DIPK1C: variants seen among roughly 807,000 people sequenced by gnomAD.
DIPK1C encodes familial non-conventional Alzheimer's dementia.
Under a neutral mutation model 28.0 loss-of-function variants are expected in DIPK1C, and 33 were observed. The ratio of observed to expected loss-of-function variants is 1.18; its 90% confidence interval spans 0.89 to 1.58. The LOEUF (loss-of-function observed/expected upper bound fraction) is 1.58. DIPK1C is among the 40% of genes most tolerant of loss of function. The pLI, the probability that DIPK1C is intolerant of heterozygous loss-of-function variation, is 0.00. For synonymous variants in DIPK1C, 255 were observed against 248.8 expected (o/e 1.02, Z -0.23); for missense variants, 569 against 568.5 (o/e 1.00, Z -0.01).
chr18:74,455,465 A>G (rs552443993), intron 1 of DIPK1C, among the ~76,000 whole-genome samples: 86 of 152,290 alleles, frequency 5.6e-4, no homozygotes, highest in African/African-American at 2.1e-3. Flanking sequence ...ATGGGTTACT[A>G]AGAAAAATCA....
chr18:74,461,533 T>A (rs1986618597), upstream of DIPK1C, among the ~76,000 whole-genome samples: 1 of 151,914 alleles, frequency 6.6e-6, no homozygotes, highest in Non-Finnish European at 1.5e-5. Flanking sequence ...ACAATAATTT[T>A]TTAAAATTTT....
At chr18:74,462,628 T>A (rs561838105), upstream of DIPK1C, among the ~76,000 whole-genome samples, 3 of 151,104 alleles carry the variant, frequency 2.0e-5, no homozygotes. Flanking sequence ...TTCCTAGGAG[T>A]AGAATTGCTG....
At chr18:74,455,249 T>G (rs1986480963) in intron 1 of DIPK1C, among the ~76,000 whole-genome samples, 1 of 152,220 alleles carries the variant, frequency 6.6e-6, no homozygotes, top group Non-Finnish European at 1.5e-5. Flanking sequence ...TTTCCATTAT[T>G]AAGCCTTTCC....
chr18:74,445,169 G>A (rs1986231084), intron 2 of DIPK1C, among the ~76,000 whole-genome samples: 1 of 152,304 alleles, frequency 6.6e-6, no homozygotes. Context: ...GGGGTTGTAC[G>A]TGGACACTCC....
In DIPK1C at chr18:74,447,231, C is replaced by A; in HGVS notation, c.251G>T (p.Cys84Phe). The change falls in exon 2 of 4, where the codon TGT (cysteine) becomes TTT (phenylalanine). Residue 84 changes from cysteine to phenylalanine, a missense_variant. Cys to Phe is a radical substitution (Grantham distance 205, BLOSUM62 -2). Transcript: ENST00000343998. The surrounding 1 kb of genome is among the most constrained non-coding windows in gnomAD (Gnocchi z 4.1). The part of the protein sequence containing the change: ...TLAGDLCEDL[C>F]VAGELLFQRC... ...TTGGAACAGCAGCTCTCCCGCCACA[C>A]ACAGGTCCTCGCAGAGGTCCCCGGC... 1.3e-6 allele frequency: 2 copies of A among 1,549,654 alleles called. No homozygotes were observed. The highest frequency in any genetic ancestry group is 1.7e-6 in the Non-Finnish European group (2 of 1,146,596).
upstream of DIPK1C, among the ~76,000 whole-genome samples, chr18:74,460,353 C>CTTGTTT (rs569186124): frequency 3.2e-4 from 48 of 152,276 alleles, no homozygotes; most frequent in African/African-American, 1.1e-3. Flanking sequence ...TTCCATCGTA[C>CTTGTTT]TTGTTTTTGT....
At chr18:74,436,859 C>G in intron 3 of DIPK1C, 140 bp from the exon 4 acceptor site, 3 of 748,954 alleles carry the variant, frequency 4.0e-6, no homozygotes, top group Non-Finnish European at 6.4e-6. Flanking sequence ...ACTCCAGAGA[C>G]CATCCGATTT....
At chr18:74,437,036 A>T (rs1027079886) in intron 3 of DIPK1C, among the ~76,000 whole-genome samples, 7 of 152,064 alleles carry the variant, frequency 4.6e-5, no homozygotes, top group Admixed American at 2.0e-4. Context: ...ACACATTTCT[A>T]GGGAGGAAGG....
upstream of DIPK1C, among the ~76,000 whole-genome samples, chr18:74,462,691 C>A (rs980611168): frequency 1.3e-5 from 2 of 151,866 alleles, no homozygotes; most frequent in Non-Finnish European, 2.9e-5. Flanking sequence ...AACTGCCAAC[C>A]TATTTTCCAA....
rs919447395 is a variant in DIPK1C, at chr18:74,450,166, G to T, written c.199-2883C>A. Among the ~76,000 whole-genome samples, 18 of 151,902 alleles carry T rather than the reference G, an allele frequency of 1.2e-4. No individual in the cohort carries two copies. The South Asian group carries it at 1.3e-3, about 11-fold the overall frequency. On this transcript the variant is annotated intron_variant, in intron 1 of 3. Transcript: ENST00000343998. ...TGGGGTTTGTCCCCTACTTGTTCTG[G>T]TATTTACATAGTTTCACGTCTCTAT...
chr18:74,436,347 T>C lies in DIPK1C; in HGVS notation c.*154A>G. 1.4e-6 allele frequency: 1 copy of C among 724,328 alleles called. No individual in the cohort carries two copies. The highest frequency in any genetic ancestry group is 2.2e-6 in the Non-Finnish European group (1 of 450,972). The allele number at this position is 724,328 out of a possible 1,614,324, so 44.9% of individuals were successfully genotyped here. A position where few individuals can be genotyped will look rare whatever the true frequency, so the allele number is the denominator to read the frequency against. ...GGGTGGGACGAGAGCGAGGGAGCAC[T>C]GTCTCTGGCAGCAGCACTTGCCACT... On this transcript the variant is annotated 3_prime_UTR_variant, in exon 4 of 4. Transcript: ENST00000343998.
At chr18:74,446,483 G>T in intron 2 of DIPK1C, 123 bp downstream of exon 2, 1 of 949,220 alleles carries the variant, frequency 1.1e-6, no homozygotes, top group Non-Finnish European at 1.4e-6. Flanking sequence ...AGTTCTCTAA[G>T]GCTGCAGAAG....
In DIPK1C at chr18:74,457,057, C is replaced by T; in HGVS notation, c.198+5G>A. On this transcript the variant is annotated splice_donor_5th_base_variant and intron_variant, in intron 1 of 3. Coordinates refer to ENST00000343998, the MANE Select transcript of DIPK1C (RefSeq NM_001044369.3). ...GGCGCGGGGCAGAGCGGCGGCGGGACCTACCAGCGCGGCCAGGATGCGCCG... is the reference window on the plus strand; with the variant it reads ...GGCGCGGGGCAGAGCGGCGGCGGGATCTACCAGCGCGGCCAGGATGCGCCG... The T allele has an allele frequency of 6.9e-7, 1 of 1,448,950 alleles. No homozygotes were observed. The highest frequency in any genetic ancestry group is 1.5e-5 in the African/African-American group (1 of 67,182). 89.8% of individuals were successfully genotyped at this position (1,448,950 alleles called of 1,614,324 possible).
upstream of DIPK1C, among the ~76,000 whole-genome samples, chr18:74,460,867 T>C (rs374508643): frequency 1.3e-4 from 20 of 152,368 alleles, no homozygotes; most frequent in African/African-American, 4.8e-4. Context: ...TGGGAGAAAG[T>C]GGGCTCAGCC....
At chr18:74,446,351 C>G (rs1986259565) in intron 2 of DIPK1C, among the ~76,000 whole-genome samples, 1 of 152,216 alleles carries the variant, frequency 6.6e-6, no homozygotes, top group Non-Finnish European at 1.5e-5. Context: ...CAGAGCAGCC[C>G]TCTGGGAGGA....
At position 74,442,571 on chromosome 18, in the gene DIPK1C, T is replaced by C. The variant is rs564555268; in HGVS notation, c.877-455A>G. ...GTCTCGATCTCCTGACCTCCTGATC[T>C]GCCCGCCTCGGCCTCCCAAAGTGCT... On this transcript the variant is annotated intron_variant, in intron 2 of 3. Transcript: ENST00000343998. Among the ~76,000 whole-genome samples the C allele has an allele frequency of 1.2e-3, 190 of 152,322 alleles. 1 individual carries two copies. The highest frequency in any genetic ancestry group is 2.7e-3 in the East Asian group (14 of 5,182).
At chr18:74,461,201 G>A (rs146814806), upstream of DIPK1C, among the ~76,000 whole-genome samples, 2 of 152,244 alleles carry the variant, frequency 1.3e-5, no homozygotes, top group African/African-American at 2.4e-5. Context: ...AGGCCTGAGC[G>A]AGTCTCTCAA....
intron 2 of DIPK1C, 73 bp downstream of exon 2, chr18:74,446,533 C>CTTCTCAT: frequency 5.1e-5 from 68 of 1,331,796 alleles, no homozygotes; most frequent in Non-Finnish European, 6.4e-5. Flanking sequence ...GCTCAGAAAC[C>CTTCTCAT]TTCTCATTTC....
intron 1 of DIPK1C, among the ~76,000 whole-genome samples, chr18:74,449,730 G>T (rs1400789004): frequency 6.6e-6 from 1 of 152,176 alleles, no homozygotes; most frequent in South Asian, 2.1e-4. Flanking sequence ...TTTGCCTGGG[G>T]CTGACTTTAT....
Sources: allele counts gnomAD v4.1 joint callset (sites outside exome capture counted in the v4.1 genomes callset), GRCh38; gene constraint gnomAD v4.1.1; non-coding constraint Gnocchi (gnomAD v3.1); transcripts MANE v1.5; gene names NCBI Gene and HGNC (gene_info 2026-07-23, HGNC 2026-07-21).